The following ABCD2 variants were observed in gnomAD, a reference collection of about 807,000 sequenced individuals.
The protein encoded by ABCD2 is ATP binding cassette subfamily D member 2, also known as ATP-binding cassette sub-family D member 2.
Under a neutral mutation model 70.9 loss-of-function variants are expected in ABCD2, and 36 were observed. That is an observed-to-expected ratio of 0.51 (90% CI 0.39 to 0.67). The LOEUF (loss-of-function observed/expected upper bound fraction) is 0.67, where lower values mean the gene tolerates loss of function less well. Ranked by LOEUF, ABCD2 falls within the 30% of genes least tolerant of loss-of-function variation. The pLI is 0.00. For synonymous variants in ABCD2, 304 were observed against 306.9 expected, an observed-to-expected ratio of 0.99 and a Z score of 0.10; for missense variants, 729 against 890.2, an observed-to-expected ratio of 0.82 and a Z score of 2.30.
At chr12:39,539,286 A>C in the ABCD2 span, among the ~76,000 whole-genome samples, 3 of 152,196 alleles carry the variant, frequency 2.0e-5, no homozygotes, top group African/African-American at 7.2e-5. Flanking sequence ...TTCTTCCATC[A>C]TGCATATTAC....
the ABCD2 span, among the ~76,000 whole-genome samples, chr12:39,543,345 T>C: frequency 3.3e-5 from 5 of 152,208 alleles, no homozygotes; most frequent in African/African-American, 1.2e-4. Flanking sequence ...TCCTCTCCTC[T>C]CTAAGTATAA....
the ABCD2 span, among the ~76,000 whole-genome samples, chr12:39,543,705 C>T: frequency 5.9e-5 from 9 of 152,212 alleles, 1 homozygote; most frequent in African/African-American, 2.2e-4. Flanking sequence ...GGAACCTTAG[C>T]CCAATTGCAA....
At chr12:39,542,461 C>T in the ABCD2 span, among the ~76,000 whole-genome samples, 3 of 83,116 alleles carry the variant, frequency 3.6e-5, no homozygotes, top group Non-Finnish European at 7.6e-5. Flanking sequence ...GACTCCATCT[C>T]AAAAAAAAAA....
At position 39,619,665 on chromosome 12, in the gene ABCD2, A is replaced by G. The variant is rs1157275668; in HGVS notation, c.-50T>C. 9 of 1,508,102 alleles carry G rather than the reference A, an allele frequency of 6.0e-6. No homozygotes were observed. The highest frequency in any genetic ancestry group is 5.5e-5 in the African/African-American group (4 of 72,420). The allele number at this position is 1,508,102 out of a possible 1,614,324, so 93.4% of individuals were successfully genotyped here. Reference sequence around the variant, plus strand: ...CCAAAAGAATTCGTTTTAAAAGATCATGCTTCACAGAAATCCCCAGCAAAT... The same window carrying G: ...CCAAAAGAATTCGTTTTAAAAGATCGTGCTTCACAGAAATCCCCAGCAAAT... On this transcript the variant is annotated 5_prime_UTR_variant, in exon 1 of 10. The change abolishes an upstream ATG in the 5' untranslated region. Transcript: ENST00000308666.
At position 39,607,706 on chromosome 12, in the gene ABCD2, G is replaced by A. The variant is rs1477547972; in HGVS notation, c.1129C>T (p.Gln377Ter). 1 of 1,604,048 alleles carries A rather than the reference G, an allele frequency of 6.2e-7. No homozygotes were observed. The highest frequency in any genetic ancestry group is 1.4e-5 in the African/African-American group (1 of 73,732). ...ATGFADGEDG[Q>*]KQVMVSERTE... is the part of the protein sequence containing the mutation. ...CGTTCACTAACCATAACTTGCTTTT[G>A]GCCATCCTCTAGATATAAAAACAAA... is the stretch of plus-strand genomic sequence containing the variant. Residue 377 changes from glutamine (Q) to a stop codon, truncating the protein, a stop_gained, in exon 3 of 10, where the codon CAA becomes TAA. Transcript: ENST00000308666. LOFTEE classifies it high-confidence loss of function.
chr12:39,533,924 C>T, the ABCD2 span, among the ~76,000 whole-genome samples: 10 of 152,152 alleles, frequency 6.6e-5, no homozygotes, highest in South Asian at 1.5e-3. Context: ...AAACAGAAGG[C>T]GTATGATAGG....
chr12:39,574,661 A>T (rs1941492436), intron 8 of ABCD2, among the ~76,000 whole-genome samples: 1 of 151,998 alleles, frequency 6.6e-6, no homozygotes, highest in South Asian at 2.1e-4. Context: ...AACAAAGTCA[A>T]CTCTTACACT....
rs936812800 is a variant in ABCD2, at chr12:39,608,892, G to A, written c.1121-1178C>T. ...CTTTCTCAACCATCCTTCACCCTAC[G>A]CTCCAGCAGCACCCCATACATGGCA... On this transcript the variant is annotated intron_variant, in intron 2 of 9. Coordinates refer to ENST00000308666, the MANE Select transcript of ABCD2 (RefSeq NM_005164.4). 4.6e-5 allele frequency among the ~76,000 whole-genome samples: 7 copies of A among 151,774 alleles called. No homozygotes were observed. In the East Asian group the frequency reaches 1.2e-3, roughly 25 times the overall value.
chr12:39,534,332 GCATTGA>G, the ABCD2 span, among the ~76,000 whole-genome samples: 2 of 152,192 alleles, frequency 1.3e-5, no homozygotes, highest in African/African-American at 4.8e-5. Context: ...TATGGTAAGA[GCATTGA>G]CTTTGGAATC....
intron 1 of ABCD2, among the ~76,000 whole-genome samples, chr12:39,617,496 A>G (rs921833574): frequency 3.9e-5 from 6 of 152,096 alleles, no homozygotes; most frequent in Non-Finnish European, 7.4e-5. Context: ...CACCAAAAAT[A>G]TCTGAAAATG....
At chr12:39,584,963 C>T (rs1188702177) in intron 7 of ABCD2, among the ~76,000 whole-genome samples, 1 of 152,146 alleles carries the variant, frequency 6.6e-6, no homozygotes, top group Non-Finnish European at 1.5e-5. Context: ...ATGCCTCCAG[C>T]TTTGTTCCTT....
At chr12:39,546,414 A>G (rs1941026028), downstream of ABCD2, among the ~76,000 whole-genome samples, 1 of 152,162 alleles carries the variant, frequency 6.6e-6, no homozygotes, top group Admixed American at 6.6e-5. Context: ...AATACTAACT[A>G]AATAAGACAA....
Position 39,619,277 on chromosome 12 carries a change from A to G in ABCD2, c.339T>C (p.Ala113=), listed in dbSNP as rs369117982. ...ETGWLCLHSV[A]LISRTFLSIY... ...TAGAAAGAAAGGTTCTTGAGATTAG[A>G]GCCACTGAGTGCAGGCAGAGCCACC... The change falls in exon 1 of 10, where the codon GCT becomes GCC. Residue 113 remains alanine (A), a synonymous_variant. Coordinates refer to ENST00000308666, the MANE Select transcript of ABCD2 (RefSeq NM_005164.4). The G allele has an allele frequency of 6.2e-6, 10 of 1,614,082 alleles. No individual in the cohort carries two copies. The highest frequency in any genetic ancestry group is 8.5e-6 in the Non-Finnish European group (10 of 1,180,048).
intron 3 of ABCD2, among the ~76,000 whole-genome samples, chr12:39,605,398 C>G (rs2120735197): frequency 6.6e-6 from 1 of 152,110 alleles, no homozygotes; most frequent in African/African-American, 2.4e-5. Flanking sequence ...TGTCAAAATT[C>G]CTCTATTTGG....
At chr12:39,565,928 C>G (rs904146117) in intron 9 of ABCD2, among the ~76,000 whole-genome samples, 3 of 152,174 alleles carry the variant, frequency 2.0e-5, no homozygotes, top group African/African-American at 7.2e-5. Context: ...TGCTGGATTA[C>G]ATTTATTGAT....
intron 9 of ABCD2, among the ~76,000 whole-genome samples, chr12:39,558,997 C>T (rs1309310321): frequency 6.6e-6 from 1 of 151,972 alleles, no homozygotes; most frequent in South Asian, 2.1e-4. Flanking sequence ...AACTTGAAAA[C>T]AGGTTACTTG....
chr12:39,597,166 C>G (rs569679230), intron 6 of ABCD2, among the ~76,000 whole-genome samples: 1 of 152,252 alleles, frequency 6.6e-6, no homozygotes, highest in East Asian at 1.9e-4. Context: ...CAAGATTTTA[C>G]TCTGAGCAAA....
chr12:39,599,599 C>T (rs1941868646), intron 6 of ABCD2, among the ~76,000 whole-genome samples: 1 of 152,212 alleles, frequency 6.6e-6, no homozygotes, highest in Non-Finnish European at 1.5e-5. Context: ...CAGCTTCTTA[C>T]TACCACCATA....
At chr12:39,540,799 C>G in the ABCD2 span, among the ~76,000 whole-genome samples, 1 of 152,212 alleles carries the variant, frequency 6.6e-6, no homozygotes, top group East Asian at 1.9e-4. Flanking sequence ...CCTTCCCCCA[C>G]CAGCTTGAAT....
Sources: gnomAD v4.1 joint callset for allele counts (sites outside exome capture counted in the v4.1 genomes callset) on GRCh38, gnomAD v4.1.1 for gene constraint, MANE v1.5 for transcripts, NCBI Gene and HGNC (gene_info 2026-07-23, HGNC 2026-07-21) for gene names.